The following TBC1D5 variants were observed in gnomAD, a reference collection of about 807,000 sequenced individuals.
TBC1D5 encodes the protein TBC1 domain family member 5, also known as TBC1 domain family, member 5.
TBC1D5 carries 75 observed loss-of-function variants against 100.3 expected under a neutral mutation model. The ratio of observed to expected loss-of-function variants is 0.75; its 90% CI spans 0.62 to 0.91. The LOEUF (loss-of-function observed/expected upper bound fraction) is 0.91. Among genes scored for constraint, TBC1D5 ranks in the 40% least tolerant of loss-of-function variants. TBC1D5 has a pLI of 0.00. For missense variants in TBC1D5, 910 were observed against 942.4 expected, an observed-to-expected ratio of 0.97 and a Z score of 0.45; for synonymous variants, 323 against 325.6, an observed-to-expected ratio of 0.99 and a Z score of 0.09.
At chr3:17,433,093 G>A (rs1210091100) in intron 3 of TBC1D5, among the ~76,000 whole-genome samples, 2 of 152,110 alleles carry the variant, frequency 1.3e-5, no homozygotes, top group Non-Finnish European at 2.9e-5. Flanking sequence ...CCCAGGGTGG[G>A]AGTCTGGTAC....
chr3:17,730,260 G>A (rs188515065), intron 1 of TBC1D5, among the ~76,000 whole-genome samples: 5 of 152,204 alleles, frequency 3.3e-5, no homozygotes, highest in Admixed American at 2.0e-4. Flanking sequence ...CAAATTCTTT[G>A]TCATTTTCTC....
chr3:17,613,141 T>C (rs1435105110), intron 2 of TBC1D5, among the ~76,000 whole-genome samples: 1 of 152,170 alleles, frequency 6.6e-6, no homozygotes, highest in Non-Finnish European at 1.5e-5. Flanking sequence ...CAGTGTTTGG[T>C]TTTCTGTCCT....
intron 13 of TBC1D5, among the ~76,000 whole-genome samples, chr3:17,360,686 CTG>C (rs1190324517): frequency 6.6e-6 from 1 of 151,790 alleles, no homozygotes; most frequent in African/African-American, 2.4e-5. Flanking sequence ...CTTTAATAAA[CTG>C]TTCTAATAAA....
At position 17,582,188 on chromosome 3, in the gene TBC1D5, A is replaced by C. The variant is rs548585228; in HGVS notation, c.-36+41661T>G. Among the ~76,000 whole-genome samples, 4 of 152,318 alleles carry C rather than the reference A, an allele frequency of 2.6e-5. No individual in the cohort carries two copies. In the East Asian group the frequency reaches 7.7e-4, roughly 29 times the overall value. ...GAATGTAAGCTTAATCAAGTTAAGGATTTGTCTCCATTTTGTTTTCACTGT... is the reference window on the plus strand; with the variant it reads ...GAATGTAAGCTTAATCAAGTTAAGGCTTTGTCTCCATTTTGTTTTCACTGT... On this transcript the variant is annotated intron_variant, in intron 2 of 21. Coordinates refer to ENST00000253692, the Ensembl canonical transcript of TBC1D5.
At chr3:17,705,452 G>C (rs1265389397) in intron 1 of TBC1D5, among the ~76,000 whole-genome samples, 1 of 149,092 alleles carries the variant, frequency 6.7e-6, no homozygotes, top group Non-Finnish European at 1.5e-5. Context: ...CTTCTCAGAC[G>C]GGGCAGCTGT....
chr3:17,255,882 A>T (rs1445132563), intron 16 of TBC1D5, among the ~76,000 whole-genome samples: 1 of 152,114 alleles, frequency 6.6e-6, no homozygotes, highest in African/African-American at 2.4e-5. Context: ...TAAAAATACA[A>T]AAAATTAGCC....
chr3:17,199,255 A>T (rs1294791593), intron 18 of TBC1D5, among the ~76,000 whole-genome samples: 2 of 152,230 alleles, frequency 1.3e-5, no homozygotes, highest in Non-Finnish European at 2.9e-5. Context: ...CTGATTATAG[A>T]CATTAAGAAA....
intron 1 of TBC1D5, among the ~76,000 whole-genome samples, chr3:17,650,127 C>T (rs1396742423): frequency 6.6e-6 from 1 of 151,900 alleles, no homozygotes; most frequent in Non-Finnish European, 1.5e-5. Context: ...GAACATCACA[C>T]ACCGGGGCCT....
At chr3:17,273,049 T>G (rs907693416) in intron 15 of TBC1D5, among the ~76,000 whole-genome samples, 3 of 152,172 alleles carry the variant, frequency 2.0e-5, no homozygotes, top group Admixed American at 1.3e-4. Context: ...TGTCACTGTT[T>G]CATTCTGAAA....
At chr3:17,296,019 A>G (rs2082218689) in intron 14 of TBC1D5, among the ~76,000 whole-genome samples, 1 of 152,192 alleles carries the variant, frequency 6.6e-6, no homozygotes, top group South Asian at 2.1e-4. Context: ...AAAGCCTCAC[A>G]CACCACTGTG....
intron 15 of TBC1D5, among the ~76,000 whole-genome samples, chr3:17,276,784 G>A (rs983850861): frequency 9.2e-5 from 14 of 152,168 alleles, no homozygotes; most frequent in African/African-American, 3.1e-4. Flanking sequence ...AAAGGCTCGC[G>A]TGATTAGGTG....
At chr3:17,529,617 G>A (rs2096189982) in intron 2 of TBC1D5, among the ~76,000 whole-genome samples, 2 of 151,970 alleles carry the variant, frequency 1.3e-5, no homozygotes, top group South Asian at 4.2e-4. Flanking sequence ...CTAACACGGT[G>A]CTGGTACAAA....
intron 2 of TBC1D5, among the ~76,000 whole-genome samples, chr3:17,581,967 C>G (rs2096700858): frequency 6.6e-6 from 1 of 152,160 alleles, no homozygotes; most frequent in Non-Finnish European, 1.5e-5. Flanking sequence ...TCTCTCACCT[C>G]CTTCAGGTCT....
intron 2 of TBC1D5, among the ~76,000 whole-genome samples, chr3:17,511,127 T>G (rs780274845): frequency 5.9e-5 from 9 of 152,044 alleles, no homozygotes; most frequent in Non-Finnish European, 1.2e-4. Flanking sequence ...ATCAAAAATT[T>G]TATGTGAAAT....
At chr3:17,492,213 A>C (rs373984011) in intron 3 of TBC1D5, among the ~76,000 whole-genome samples, 2 of 151,638 alleles carry the variant, frequency 1.3e-5, no homozygotes, top group African/African-American at 4.8e-5. Flanking sequence ...CTATTTTATT[A>C]ATTTTTTCAA....
At chr3:17,321,663 T>C (rs1402272146) in intron 13 of TBC1D5, among the ~76,000 whole-genome samples, 1 of 152,230 alleles carries the variant, frequency 6.6e-6, no homozygotes, top group Non-Finnish European at 1.5e-5. Flanking sequence ...TTTCTAGGAA[T>C]TTTGTAATTT....
intron 3 of TBC1D5, among the ~76,000 whole-genome samples, chr3:17,435,723 T>C (rs186433957): frequency 4.6e-5 from 7 of 152,260 alleles, no homozygotes; most frequent in Admixed American, 6.5e-5. Flanking sequence ...AAGACTGCAA[T>C]TGAAACATAA....
intron 3 of TBC1D5, among the ~76,000 whole-genome samples, chr3:17,502,277 T>C (rs1180499018): frequency 6.7e-6 from 1 of 149,878 alleles, no homozygotes; most frequent in Non-Finnish European, 1.5e-5. Context: ...TTCTTCAGAT[T>C]ACAAAAAGCA....
chr3:17,380,213 GAA>G (rs922765569), intron 9 of TBC1D5, among the ~76,000 whole-genome samples: 1 of 151,732 alleles, frequency 6.6e-6, no homozygotes, highest in Non-Finnish European at 1.5e-5. Context: ...GCTACAATAT[GAA>G]AAAAGAATAG....
Sources: gnomAD v4.1 joint callset for allele counts (sites outside exome capture counted in the v4.1 genomes callset) on GRCh38, gnomAD v4.1.1 for gene constraint, MANE v1.5 for transcripts, NCBI Gene and HGNC (gene_info 2026-07-23, HGNC 2026-07-21) for gene names.